The following LCA5 variants were observed in gnomAD, a reference collection of about 807,000 sequenced individuals.
LCA5 encodes the protein lebercilin LCA5.
LCA5 carries 37 observed loss-of-function variants against 53.0 expected under a neutral mutation model. The observed-to-expected ratio is 0.70, with a 90% CI of 0.54 to 0.92. The LOEUF is 0.92. LCA5 is among the 40% of genes least tolerant of loss of function. The pLI is 0.00. For missense variants in LCA5, 806 were observed against 790.5 expected (o/e 1.02, Z -0.23); for synonymous variants, 303 against 282.9 (o/e 1.07, Z -0.71).
intron 3 of LCA5, among the ~76,000 whole-genome samples, chr6:79,501,518 C>T (rs1208120558): frequency 6.6e-6 from 1 of 151,916 alleles, no homozygotes; most frequent in African/African-American, 2.4e-5. Flanking sequence ...CCTTTGGGTA[C>T]AATTACTGAT....
intron 1 of LCA5, among the ~76,000 whole-genome samples, chr6:79,532,743 C>T (rs1336187217): frequency 6.6e-6 from 1 of 152,098 alleles, no homozygotes; most frequent in Non-Finnish European, 1.5e-5. Flanking sequence ...GCTTTATTTT[C>T]TTCACAGACC....
chr6:79,494,500 T>C (rs1049040205), intron 3 of LCA5, among the ~76,000 whole-genome samples: 11 of 152,068 alleles, frequency 7.2e-5, no homozygotes, highest in African/African-American at 2.4e-4. Flanking sequence ...TATAGATAGA[T>C]AGATAGATAG....
Position 79,485,845 on chromosome 6 carries a change from TG to T in LCA5, c.*1158del, listed in dbSNP as rs1769638052. On this transcript the variant is annotated 3_prime_UTR_variant, in exon 8 of 8. Coordinates refer to ENST00000369846, the MANE Select transcript of LCA5 (RefSeq NM_001122769.3). ...TCTCCTTGGGCTGGTGGTATATTAC[TG>T]CTTTTTAAAGACCAATCATACCCAG... 6.6e-6 allele frequency: 1 copy of T among 152,180 alleles called. No homozygotes were observed. The highest frequency in any genetic ancestry group is 2.4e-5 in the African/African-American group (1 of 41,464). The allele number at this position is 152,180 out of a possible 1,614,324, so 9.4% of individuals were successfully genotyped here.
intron 1 of LCA5, among the ~76,000 whole-genome samples, chr6:79,531,109 C>G (rs539122190): frequency 6.6e-6 from 1 of 152,202 alleles, no homozygotes; most frequent in South Asian, 2.1e-4. Context: ...GTTAGTAAAA[C>G]TTGAAACAGA....
intron 3 of LCA5, among the ~76,000 whole-genome samples, chr6:79,501,934 G>A (rs879562561): frequency 2.0e-5 from 3 of 151,806 alleles, no homozygotes; most frequent in African/African-American, 4.8e-5. Context: ...ACACATAGGA[G>A]AATATAGTAG....
At chr6:79,531,032 C>T (rs1360919668) in intron 1 of LCA5, among the ~76,000 whole-genome samples, 4 of 152,048 alleles carry the variant, frequency 2.6e-5, no homozygotes, top group Non-Finnish European at 5.9e-5. Context: ...CTTTCCTTTG[C>T]AAAGATTTAG....
intron 3 of LCA5, 48 bp downstream of exon 3, chr6:79,513,164 A>G (rs1333441786): frequency 3.2e-6 from 5 of 1,556,100 alleles, no homozygotes; most frequent in Non-Finnish European, 4.4e-6. Context: ...TAAATGCCCA[A>G]TGAGAAACAT....
intron 3 of LCA5, among the ~76,000 whole-genome samples, chr6:79,504,846 A>G (rs1770235012): frequency 6.6e-6 from 1 of 152,222 alleles, no homozygotes; most frequent in Non-Finnish European, 1.5e-5. Flanking sequence ...ATATATGTAT[A>G]TAACATGATA....
At chr6:79,528,891 T>A (rs1309314595) in intron 1 of LCA5, among the ~76,000 whole-genome samples, 5 of 152,182 alleles carry the variant, frequency 3.3e-5, no homozygotes, top group African/African-American at 1.2e-4. Flanking sequence ...GTACTTTCAA[T>A]CTTAACAATA....
At chr6:79,492,738 A>G (rs896211212) in intron 4 of LCA5, 91 bp from the exon 5 acceptor site, 11 of 706,638 alleles carry the variant, frequency 1.6e-5, no homozygotes, top group Admixed American at 1.5e-4. Flanking sequence ...TTTTCTTACC[A>G]TATTGAAAGT....
At chr6:79,516,677 A>G (rs1022409276) in intron 2 of LCA5, among the ~76,000 whole-genome samples, 5 of 151,940 alleles carry the variant, frequency 3.3e-5, no homozygotes, top group Non-Finnish European at 7.4e-5. Flanking sequence ...AATATTTTAA[A>G]CCATCAAGTG....
intron 5 of LCA5, among the ~76,000 whole-genome samples, chr6:79,492,090 A>T (rs374200242): frequency 6.6e-6 from 1 of 152,058 alleles, no homozygotes; most frequent in East Asian, 1.9e-4. Flanking sequence ...GTTAAAAAAG[A>T]AAGTAAAACT....
intron 1 of LCA5, among the ~76,000 whole-genome samples, chr6:79,535,274 G>A (rs1767078518): frequency 1.3e-5 from 2 of 151,988 alleles, no homozygotes; most frequent in African/African-American, 4.8e-5. Flanking sequence ...AAGTTGGTTG[G>A]AAACCAAGGC....
In LCA5 at chr6:79,486,660, A is replaced by G. The variant is rs571100363; in HGVS notation, c.*344T>C. On this transcript the variant is annotated 3_prime_UTR_variant, in exon 8 of 8. Transcript: ENST00000369846. ...GAAGACTGTATTTAGCACAGTGAGA[A>G]TATGATTAAAAATAAATACATAAAT... 134 of 210,494 alleles carry G rather than the reference A, an allele frequency of 6.4e-4. No individual in the cohort carries two copies. Among genetic ancestry groups the G allele is most frequent in the Non-Finnish European group, 1.1e-3 (116 of 105,790 alleles). The allele number at this position is 210,494 out of a possible 1,614,324, so 13.0% of individuals were successfully genotyped here. A position where few individuals can be genotyped will look rare whatever the true frequency, so the allele number is the denominator to read the frequency against.
intron 4 of LCA5, 115 bp downstream of exon 4, chr6:79,493,498 T>G (rs1769896795): frequency 9.1e-6 from 9 of 991,156 alleles, no homozygotes; most frequent in Non-Finnish European, 1.4e-5. Context: ...ATATCAGAAT[T>G]TTGTAAATTA....
chr6:79,520,834 G>A (rs1766603262), intron 1 of LCA5, among the ~76,000 whole-genome samples: 1 of 152,002 alleles, frequency 6.6e-6, no homozygotes, highest in African/African-American at 2.4e-5. Flanking sequence ...AAAGAAAGAT[G>A]GAAAAAAGCC....
intron 1 of LCA5, among the ~76,000 whole-genome samples, chr6:79,520,302 A>G (rs965065767): frequency 1.3e-5 from 2 of 152,154 alleles, no homozygotes; most frequent in Non-Finnish European, 2.9e-5. Flanking sequence ...TGCTTATACT[A>G]TTATCATAAA....
intron 1 of LCA5, among the ~76,000 whole-genome samples, chr6:79,533,567 A>G (rs1386269158): frequency 1.3e-5 from 2 of 151,966 alleles, no homozygotes; most frequent in African/African-American, 2.4e-5. Context: ...TGTTCATCCA[A>G]AAGTAAACTC....
intron 1 of LCA5, among the ~76,000 whole-genome samples, chr6:79,536,234 C>A (rs1433733602): frequency 1.3e-5 from 2 of 152,020 alleles, no homozygotes; most frequent in African/African-American, 4.8e-5. Context: ...ATTAAAATAA[C>A]CATGCAAAAG....
Sources: allele counts gnomAD v4.1 joint callset (sites outside exome capture counted in the v4.1 genomes callset), GRCh38; gene constraint gnomAD v4.1.1; transcripts MANE v1.5; gene names NCBI Gene and HGNC (gene_info 2026-07-23, HGNC 2026-07-21).